EVC: variants seen among roughly 807,000 people sequenced by gnomAD.
EVC encodes the protein EvC ciliary complex subunit 1, also known as evC complex member EVC.
A neutral mutation model predicts 118.9 loss-of-function variants in EVC; 116 were observed. The ratio of observed to expected loss-of-function variants is 0.98; its 90% CI spans 0.84 to 1.14. The LOEUF is 1.14. Ranked by LOEUF, EVC falls within the 50% of genes most tolerant of loss-of-function variation. The pLI is 0.00. For synonymous variants in EVC, 619 were observed against 534.7 expected (o/e 1.16, Z -2.18); for missense variants, 1,401 against 1,246.4 (o/e 1.12, Z -1.87).
At chr4:5,777,354 G>A (rs1444468879) in intron 11 of EVC, among the ~76,000 whole-genome samples, 1 of 152,066 alleles carries the variant, frequency 6.6e-6, no homozygotes, top group East Asian at 1.9e-4. Flanking sequence ...GGCTTTTTGG[G>A]TACCAACTGT....
At chr4:5,760,634 C>T (rs1333298278) in intron 11 of EVC, among the ~76,000 whole-genome samples, 1 of 152,138 alleles carries the variant, frequency 6.6e-6, no homozygotes, top group African/African-American at 2.4e-5. Context: ...CTCACTGCAA[C>T]CTCCGCCTCC....
chr4:5,747,321 C>A (rs1577414265), intron 7 of EVC, among the ~76,000 whole-genome samples: 1 of 152,168 alleles, frequency 6.6e-6, no homozygotes, highest in African/African-American at 2.4e-5. Flanking sequence ...TCCATTTCAG[C>A]CTCTCAGAGG....
downstream of EVC, among the ~76,000 whole-genome samples, chr4:5,815,966 G>A (rs1717610449): frequency 6.6e-6 from 1 of 151,846 alleles, no homozygotes; most frequent in Non-Finnish European, 1.5e-5. Flanking sequence ...CTCCTGTGGT[G>A]TATGGATTGG....
chr4:5,790,007 C>T (rs1693182045), intron 12 of EVC, among the ~76,000 whole-genome samples: 6 of 151,890 alleles, frequency 4.0e-5, no homozygotes, highest in Admixed American at 3.9e-4. Flanking sequence ...ATAGCGAAAC[C>T]CCATCTCTAC....
At chr4:5,818,066 C>T (rs1717969350), downstream of EVC, among the ~76,000 whole-genome samples, 1 of 152,096 alleles carries the variant, frequency 6.6e-6, no homozygotes, top group African/African-American at 2.4e-5. Flanking sequence ...TGGGAGGGAC[C>T]TGGTGGGAGA....
At position 5,721,067 on chromosome 4, in the gene EVC, G is replaced by C. The variant is rs115829501; in HGVS notation, c.300+1694G>C. 3.3e-3 allele frequency among the ~76,000 whole-genome samples: 503 copies of C among 152,104 alleles called. 5 individuals carry two copies. The highest frequency in any genetic ancestry group is 0.012 in the African/African-American group (485 of 41,506). ...TCTTTCTGTGTGCATCTTTGTGACAGTACGTGAGCTTCAGGTGCATGGCAT... is the reference window on the plus strand; with the variant it reads ...TCTTTCTGTGTGCATCTTTGTGACACTACGTGAGCTTCAGGTGCATGGCAT... On this transcript the variant is annotated intron_variant, in intron 2 of 20. Transcript: ENST00000264956.
Position 5,753,906 on chromosome 4 carries a change from G to T in EVC, c.1437G>T (p.Pro479=), listed in dbSNP as rs112861104. The T allele has an allele frequency of 2.5e-6, 4 of 1,613,550 alleles. No individual in the cohort carries two copies. The highest frequency in any genetic ancestry group is 8.5e-7 in the Non-Finnish European group (1 of 1,180,046). The part of the protein sequence containing the change: ...EQRSFLAEAQ[P]TADPEKFLEA... ...GAAGCTTCCTGGCTGAGGCCCAGCC[G>T]ACTGCTGACCCGGAAAAGTTTCTCG... Residue 479 remains proline, a synonymous_variant, in exon 10 of 21, where the codon CCG becomes CCT. Transcript: ENST00000264956.
intron 20 of EVC, 49 bp downstream of exon 20, chr4:5,810,499 C>G: frequency 2.1e-6 from 3 of 1,404,374 alleles, no homozygotes; most frequent in Non-Finnish European, 3.0e-6. Context: ...TTGGTAAATG[C>G]ACTCAGCTGC....
Position 5,753,831 on chromosome 4 carries a change from C to T in EVC, c.1362C>T (p.His454=), listed in dbSNP as rs772145574. The T allele has an allele frequency of 3.1e-6, 5 of 1,614,100 alleles. No homozygotes were observed. Among genetic ancestry groups the T allele is most frequent in the Non-Finnish European group, 4.2e-6 (5 of 1,180,026 alleles). Residue 454 remains histidine, a synonymous_variant, in exon 10 of 21, where the codon CAC becomes CAT. Transcript: ENST00000264956. The part of the protein sequence containing the change: ...GKDLVTASLA[H]QVEGTAKLTL... Reference sequence around the variant, plus strand: ...ACCTGGTCACGGCGTCTCTGGCTCACCAGGTGGAGGGAACGGCAAAACTCA... The same window carrying T: ...ACCTGGTCACGGCGTCTCTGGCTCATCAGGTGGAGGGAACGGCAAAACTCA...
Position 5,742,428 on chromosome 4 carries a change from C to T in EVC, c.801+614C>T, listed in dbSNP as rs1728740519. ...CAACCACCACCAAAATCATCATCAT[C>T]TTCATTATCACCACCAGTTTTATTT... On this transcript the variant is annotated intron_variant, in intron 6 of 20. Transcript: ENST00000264956. The surrounding 1 kb of genome is among the most constrained non-coding windows in gnomAD (Gnocchi z 5.2). Among the ~76,000 whole-genome samples the T allele has an allele frequency of 6.6e-6, 1 of 152,156 alleles. No individual in the cohort carries two copies.
At chr4:5,769,334 G>T (rs1350851020) in intron 11 of EVC, among the ~76,000 whole-genome samples, 2 of 152,140 alleles carry the variant, frequency 1.3e-5, no homozygotes, top group Non-Finnish European at 2.9e-5. Context: ...CAGTGACTCA[G>T]TTACCTCCCA....
At chr4:5,741,665 A>G (rs1728597253) in intron 5 of EVC, 51 bp from the exon 6 acceptor site, 1 of 1,117,988 alleles carries the variant, frequency 8.9e-7, no homozygotes, top group Non-Finnish European at 1.4e-6. Context: ...AAAAGACAAA[A>G]ATACCATTGA....
intron 16 of EVC, among the ~76,000 whole-genome samples, chr4:5,804,259 TA>T (rs1267601684): frequency 1.3e-5 from 2 of 152,134 alleles, no homozygotes; most frequent in Non-Finnish European, 2.9e-5. Context: ...TTAAAGCTTT[TA>T]AAAGCCAAGA....
intron 11 of EVC, among the ~76,000 whole-genome samples, chr4:5,762,052 C>CCT (rs553802249): frequency 1.5e-5 from 2 of 129,784 alleles, no homozygotes. Context: ...TCCCTCCCCC[C>CCT]ACCCCCACCC....
Position 5,711,691 on chromosome 4 carries a change from G to A in EVC, c.174+137G>A, listed in dbSNP as rs915396245. 15 of 767,884 alleles carry A rather than the reference G, an allele frequency of 2.0e-5. No individual in the cohort carries two copies. In the African/African-American group the frequency reaches 2.3e-4, roughly 12 times the overall value. The allele number at this position is 767,884 out of a possible 1,614,324, so 47.6% of individuals were successfully genotyped here. On this transcript the variant is annotated intron_variant, in intron 1 of 20. Coordinates refer to ENST00000264956, the MANE Select transcript of EVC (RefSeq NM_153717.3). ...TCGCACGCAACCGCTTAGGCGTCGG[G>A]TTCCCCTTCTGCTCCAGGAGGGAGG... is the stretch of plus-strand genomic sequence containing the variant.
Position 5,731,050 on chromosome 4 carries a change from CA to C in EVC, c.385-374del, listed in dbSNP as rs1726727566. On this transcript the variant is annotated intron_variant, in intron 3 of 20. Transcript: ENST00000264956. This position sits in a 1 kb window ranked among gnomAD's most constrained non-coding sequence, Gnocchi z 5.6. ...GGCAGGATTCGTGGAGGGAGCAGGCCAGGGGGTCAGCAGCAAGGAGAGAACT... is the reference window on the plus strand; with the variant it reads ...GGCAGGATTCGTGGAGGGAGCAGGCCGGGGGTCAGCAGCAAGGAGAGAACT... 6.6e-6 allele frequency among the ~76,000 whole-genome samples: 1 copy of C among 151,836 alleles called. No homozygotes were observed. The highest frequency in any genetic ancestry group is 2.4e-5 in the African/African-American group (1 of 41,342).
At chr4:5,821,256 G>A in the EVC span, 1 of 153,628 alleles carries the variant, frequency 6.5e-6, no homozygotes, top group East Asian at 1.9e-4. This position sits in a 1 kb window ranked among gnomAD's most constrained non-coding sequence, Gnocchi z 4.4. Flanking sequence ...GGGGCAATGA[G>A]TAAACATCTT....
chr4:5,754,575 C>G lies in EVC; in HGVS notation c.1464+642C>G, dbSNP rs1730885280. Among the ~76,000 whole-genome samples, 1 of 152,130 alleles carries G rather than the reference C, an allele frequency of 6.6e-6. No individual in the cohort carries two copies. Among genetic ancestry groups the G allele is most frequent in the Non-Finnish European group, 1.5e-5 (1 of 68,034 alleles). On this transcript the variant is annotated intron_variant, in intron 10 of 20. Transcript: ENST00000264956. The surrounding 1 kb of genome is among the most constrained non-coding windows in gnomAD (Gnocchi z 5.8). ...GAGACCACCGAGCTCTGGTTTCGCTCTGCTTGCTTTCACTAGTAATGGGCA... is the reference window on the plus strand; with the variant it reads ...GAGACCACCGAGCTCTGGTTTCGCTGTGCTTGCTTTCACTAGTAATGGGCA...
rs143814906 is a variant in EVC at position 5,785,095 on chromosome 4, C to T, written c.1776+1331C>T. 2.8e-3 allele frequency among the ~76,000 whole-genome samples: 424 copies of T among 152,284 alleles called. 3 individuals are homozygous for T. The highest frequency in any genetic ancestry group is 3.9e-3 in the Non-Finnish European group (264 of 68,030). ...CCATGGCTGAGTGACACTGCTCTGG[C>T]CTTTGAAACAAAGCAAAGGGCTTCT... On this transcript the variant is annotated intron_variant, in intron 12 of 20. Coordinates refer to ENST00000264956, the MANE Select transcript of EVC (RefSeq NM_153717.3).
Sources: gnomAD v4.1 joint callset for allele counts (sites outside exome capture counted in the v4.1 genomes callset) on GRCh38, gnomAD v4.1.1 for gene constraint, Gnocchi (gnomAD v3.1) non-coding constraint, MANE v1.5 for transcripts, NCBI Gene and HGNC (gene_info 2026-07-23, HGNC 2026-07-21) for gene names.